ZBTB34: variants seen among roughly 807,000 people sequenced by gnomAD.
ZBTB34 encodes the protein zinc finger and BTB domain-containing protein 34.
Under a neutral mutation model 33.4 loss-of-function variants are expected in ZBTB34, and 1 was observed. The observed-to-expected ratio is 0.03, with a 90% CI of 0.01 to 0.14. The LOEUF is 0.14. Ranked by LOEUF, ZBTB34 falls within the 10% of genes least tolerant of loss-of-function variation. The pLI, the probability that ZBTB34 is intolerant of heterozygous loss-of-function variation, is 1.00. For synonymous variants in ZBTB34, 283 were observed against 253.5 expected (o/e 1.12, Z -1.11); for missense variants, 406 against 657.2 (o/e 0.62, Z 4.18).
intron 1 of ZBTB34, among the ~76,000 whole-genome samples, chr9:126,867,767 T>G (rs1347351638): frequency 2.1e-5 from 3 of 145,052 alleles, no homozygotes; most frequent in Admixed American, 6.8e-5. Flanking sequence ...ATTTTTTTGT[T>G]TTTTTTTTTT....
At chr9:126,869,234 C>A (rs923849975) in intron 1 of ZBTB34, among the ~76,000 whole-genome samples, 3 of 137,696 alleles carry the variant, frequency 2.2e-5, no homozygotes, top group Admixed American at 1.5e-4. Context: ...TGACACTGTC[C>A]TAGGGCAGGA....
Position 126,880,274 on chromosome 9 carries a change from C to T in ZBTB34, c.875C>T (p.Ala292Val). The change falls in exon 2 of 2, where the codon GCA (alanine) becomes GTA (valine). Residue 292 changes from alanine to valine, a missense_variant. Transcript: ENST00000319119. The surrounding 1 kb of genome is among the most constrained non-coding windows in gnomAD (Gnocchi z 6.7). ...CAGCACGCATACTCCTATTCCCAAG[C>T]AGCCTCACAGCCAACCAATGTATCA... 1 of 1,613,994 alleles carries T rather than the reference C, an allele frequency of 6.2e-7. No homozygotes were observed. Among genetic ancestry groups the T allele is most frequent in the Non-Finnish European group, 8.5e-7 (1 of 1,179,910 alleles).
At chr9:126,869,146 T>C (rs1057282951) in intron 1 of ZBTB34, among the ~76,000 whole-genome samples, 9 of 152,134 alleles carry the variant, frequency 5.9e-5, no homozygotes, top group African/African-American at 1.9e-4. Context: ...TGCCCTCATT[T>C]GCCCTTCTCT....
At chr9:126,875,547 G>GT (rs2033344572) in intron 1 of ZBTB34, among the ~76,000 whole-genome samples, 1 of 151,896 alleles carries the variant, frequency 6.6e-6, no homozygotes, top group Non-Finnish European at 1.5e-5. Context: ...TGTTGACCCT[G>GT]TTTTTTGCTT....
In ZBTB34 at chr9:126,878,531, C is replaced by G. The variant is rs183546416; in HGVS notation, c.-10-859C>G. On this transcript the variant is annotated intron_variant, in intron 1 of 1. Coordinates refer to ENST00000319119, the Ensembl canonical transcript of ZBTB34. ...GGAGACTGAGCATGGTAAGTCTCAG[C>G]CAAAGCAACCCAACCCAAAAGAGAT... 4.4e-3 allele frequency among the ~76,000 whole-genome samples: 665 copies of G among 151,344 alleles called. 7 individuals carry two copies. The highest frequency in any genetic ancestry group is 0.015 in the African/African-American group (623 of 41,250).
intron 1 of ZBTB34, among the ~76,000 whole-genome samples, chr9:126,867,117 T>C (rs1225778073): frequency 1.3e-5 from 2 of 149,398 alleles, no homozygotes; most frequent in East Asian, 2.0e-4. Flanking sequence ...CAGTTTCCTT[T>C]GGGGGTTCCT....
intron 1 of ZBTB34, among the ~76,000 whole-genome samples, chr9:126,874,736 C>T (rs1178971895): frequency 1.3e-5 from 2 of 152,166 alleles, no homozygotes; most frequent in African/African-American, 2.4e-5. Flanking sequence ...CCTCCCCAAC[C>T]CTTTGTACGT....
At chr9:126,881,277 C>T (rs758147548) in exon 2 of ZBTB34, 7 of 182,884 alleles carry the variant, frequency 3.8e-5, no homozygotes, top group Non-Finnish European at 7.7e-5. Flanking sequence ...TGCACTTCCA[C>T]GGAGGGAGAT....
chr9:126,882,925 A>G (rs1426824820), exon 2 of ZBTB34: 1 of 167,014 alleles, frequency 6.0e-6, no homozygotes, highest in Non-Finnish European at 1.5e-5. Context: ...GCTGCGCTAC[A>G]CATCAGTGTT....
chr9:126,863,578 T>C (rs1311450433), intron 1 of ZBTB34: 8 of 391,540 alleles, frequency 2.0e-5, no homozygotes, highest in Non-Finnish European at 2.8e-5. Flanking sequence ...TTGTGTCTAT[T>C]TAATGTTTTG....
At chr9:126,874,300 C>G (rs1185675038) in intron 1 of ZBTB34, among the ~76,000 whole-genome samples, 1 of 148,604 alleles carries the variant, frequency 6.7e-6, no homozygotes, top group African/African-American at 2.5e-5. Context: ...TCTGCCCGCC[C>G]CGGCCTCCCA....
At chr9:126,874,919 G>A (rs199865984) in intron 1 of ZBTB34, among the ~76,000 whole-genome samples, 96 of 152,296 alleles carry the variant, frequency 6.3e-4, no homozygotes, top group African/African-American at 2.2e-3. Flanking sequence ...TTTATGATGA[G>A]AGAATTAAAA....
In ZBTB34 at chr9:126,879,555, A is replaced by G; in HGVS notation, c.156A>G (p.Ala52=). The change falls in exon 2 of 2, where the codon GCA becomes GCG. Residue 52 remains alanine, a synonymous_variant. Transcript: ENST00000319119. The surrounding 1 kb of genome is among the most constrained non-coding windows in gnomAD (Gnocchi z 6.4). ...GTCAGCCATTCCGAGCCCACAAAGC[A>G]GTCCTTGCTGCCAGCTCCCCATATT... 2 of 1,613,904 alleles carry G rather than the reference A, an allele frequency of 1.2e-6. No homozygotes were observed. Among genetic ancestry groups the G allele is most frequent in the Non-Finnish European group, 1.7e-6 (2 of 1,179,844 alleles).
intron 1 of ZBTB34, among the ~76,000 whole-genome samples, chr9:126,876,026 A>T (rs1256984293): frequency 2.0e-5 from 3 of 151,440 alleles, no homozygotes; most frequent in African/African-American, 7.3e-5. Context: ...GACTTTTCTG[A>T]TGGGATATTA....
chr9:126,874,036 C>CTTTTTTTTT lies in ZBTB34; in HGVS notation c.-10-5337_-10-5329dup, dbSNP rs781115278. Reference sequence around the variant, plus strand: ...TGTGAGAGACTCTGCTGTGTATGTTCTTTTTTTTTTTTTTTTTTTTTTTTT... The same window carrying CTTTTTTTTT: ...TGTGAGAGACTCTGCTGTGTATGTTCTTTTTTTTTTTTTTTTTTTTTTTTTTTTTTTTTT... On this transcript the variant is annotated intron_variant, in intron 1 of 1. Coordinates refer to ENST00000319119, the Ensembl canonical transcript of ZBTB34. 9.1e-5 allele frequency among the ~76,000 whole-genome samples: 6 copies of CTTTTTTTTT among 66,070 alleles called. 1 individual carries two copies. Among genetic ancestry groups the CTTTTTTTTT allele is most frequent in the African/African-American group, 2.5e-4 (4 of 16,082 alleles). 43.3% of individuals were successfully genotyped at this position (66,070 alleles called of 152,430 possible).
At chr9:126,867,804 G>T (rs564446074) in intron 1 of ZBTB34, among the ~76,000 whole-genome samples, 7 of 150,694 alleles carry the variant, frequency 4.6e-5, no homozygotes, top group African/African-American at 1.5e-4. Context: ...TAAAATACTG[G>T]CATAGGAATA....
Position 126,879,990 on chromosome 9 carries a change from C to T in ZBTB34, c.591C>T (p.Arg197=). Reference sequence around the variant, plus strand: ...CCCCCAGCAAAGCTTTGCGCAGCCGCTTACAGGAGGAGGGGCACTCAGACC... The same window carrying T: ...CCCCCAGCAAAGCTTTGCGCAGCCGTTTACAGGAGGAGGGGCACTCAGACC... Residue 197 remains arginine (R), a synonymous_variant, in exon 2 of 2, where the codon CGC becomes CGT. Coordinates refer to ENST00000319119, the Ensembl canonical transcript of ZBTB34. This position sits in a 1 kb window ranked among gnomAD's most constrained non-coding sequence, Gnocchi z 6.4. The T allele has an allele frequency of 6.2e-7, 1 of 1,613,524 alleles. No homozygotes were observed. Among genetic ancestry groups the T allele is most frequent in the Non-Finnish European group, 8.5e-7 (1 of 1,179,890 alleles).
At chr9:126,862,114 G>A (rs2033150264) in intron 1 of ZBTB34, among the ~76,000 whole-genome samples, 1 of 152,188 alleles carries the variant, frequency 6.6e-6, no homozygotes, top group African/African-American at 2.4e-5. Flanking sequence ...AGGCCGAGTG[G>A]TTAGGGAGGG....
At chr9:126,867,308 C>G (rs1378012757) in intron 1 of ZBTB34, among the ~76,000 whole-genome samples, 1 of 152,036 alleles carries the variant, frequency 6.6e-6, no homozygotes, top group African/African-American at 2.4e-5. Context: ...TTCCTGAGGA[C>G]TACACTTGCC....
Sources: gnomAD v4.1 joint callset for allele counts (sites outside exome capture counted in the v4.1 genomes callset) on GRCh38, gnomAD v4.1.1 for gene constraint, Gnocchi (gnomAD v3.1) non-coding constraint, MANE v1.5 for transcripts, NCBI Gene and HGNC (gene_info 2026-07-23, HGNC 2026-07-21) for gene names.